CACNB2: variants seen among roughly 807,000 people sequenced by gnomAD.
CACNB2 encodes voltage-dependent L-type calcium channel subunit beta-2.
A neutral mutation model predicts 73.3 loss-of-function variants in CACNB2; 42 were observed. The observed-to-expected ratio is 0.57, with a 90% confidence interval of 0.45 to 0.74. The LOEUF is 0.74. CACNB2 is among the 30% of genes least tolerant of loss of function. CACNB2 has a pLI of 0.00. For missense variants in CACNB2, 940 were observed against 853.0 expected, an observed-to-expected ratio of 1.10 and a Z score of -1.27; for synonymous variants, 348 against 310.3, an observed-to-expected ratio of 1.12 and a Z score of -1.28.
chr10:18,465,320 ACT>A (rs1474138973), intron 3 of CACNB2, among the ~76,000 whole-genome samples: 1 of 152,138 alleles, frequency 6.6e-6, no homozygotes, highest in African/African-American at 2.4e-5. Flanking sequence ...ACAAAGCAAG[ACT>A]CTGTCTCAGT....
intron 2 of CACNB2, among the ~76,000 whole-genome samples, chr10:18,279,592 G>C (rs776941275): frequency 2.0e-4 from 31 of 152,194 alleles, no homozygotes; most frequent in Non-Finnish European, 3.5e-4. Flanking sequence ...TTTTGCCCTT[G>C]AAGAGTTGAT....
chr10:18,309,065 A>G (rs573709998), intron 2 of CACNB2, among the ~76,000 whole-genome samples: 21 of 152,188 alleles, frequency 1.4e-4, no homozygotes, highest in African/African-American at 2.2e-4. Flanking sequence ...GTCGTTACCA[A>G]TTTTTTCACT....
At chr10:18,271,557 C>A (rs538361768) in intron 2 of CACNB2, among the ~76,000 whole-genome samples, 2 of 152,182 alleles carry the variant, frequency 1.3e-5, no homozygotes, top group South Asian at 4.2e-4. Flanking sequence ...TGTATGGAAA[C>A]CTTCCCTAAC....
chr10:18,503,090 T>C (rs1483058706), intron 5 of CACNB2, among the ~76,000 whole-genome samples: 1 of 152,178 alleles, frequency 6.6e-6, no homozygotes, highest in Non-Finnish European at 1.5e-5. Flanking sequence ...ATAATGCATA[T>C]TTTGATATGC....
chr10:18,312,964 ATTGT>A (rs2040017278), intron 2 of CACNB2, among the ~76,000 whole-genome samples: 1 of 152,086 alleles, frequency 6.6e-6, no homozygotes, highest in African/African-American at 2.4e-5. Context: ...GCAATAAATG[ATTGT>A]TTTTCTGTGC....
At chr10:18,147,682 T>A (rs1342943725) in intron 1 of CACNB2, among the ~76,000 whole-genome samples, 2 of 152,220 alleles carry the variant, frequency 1.3e-5, no homozygotes, top group African/African-American at 4.8e-5. Flanking sequence ...GTAGCTGCAC[T>A]TGAAGTAGCA....
intron 2 of CACNB2, among the ~76,000 whole-genome samples, chr10:18,323,303 C>G (rs529153582): frequency 2.6e-5 from 4 of 152,146 alleles, no homozygotes; most frequent in African/African-American, 9.6e-5. Context: ...TTACACATCC[C>G]TAAGCAAAGT....
At chr10:18,203,246 A>G (rs920680970) in intron 2 of CACNB2, among the ~76,000 whole-genome samples, 4 of 152,216 alleles carry the variant, frequency 2.6e-5, no homozygotes, top group African/African-American at 9.6e-5. Flanking sequence ...TAGCCGAATG[A>G]TATCACAGAG....
intron 2 of CACNB2, among the ~76,000 whole-genome samples, chr10:18,186,634 G>A (rs890808414): frequency 6.6e-6 from 1 of 152,000 alleles, no homozygotes; most frequent in African/African-American, 2.4e-5. Flanking sequence ...AAGAGAGGGT[G>A]GAGGGAGGTA....
chr10:18,351,643 G>A (rs1426698576), intron 2 of CACNB2, among the ~76,000 whole-genome samples: 1 of 152,122 alleles, frequency 6.6e-6, no homozygotes, highest in Non-Finnish European at 1.5e-5. Flanking sequence ...TTCCAACCCA[G>A]TGTATTTGCA....
At chr10:18,262,630 C>A (rs1385537725) in intron 2 of CACNB2, among the ~76,000 whole-genome samples, 2 of 152,000 alleles carry the variant, frequency 1.3e-5, no homozygotes, top group Non-Finnish European at 2.9e-5. Context: ...ATAAGATTAG[C>A]CGCCTAAAGA....
At chr10:18,261,344 A>G in intron 2 of CACNB2, 1 of 1,551,620 alleles carries the variant, frequency 6.4e-7, no homozygotes, top group Non-Finnish European at 8.7e-7. Context: ...GTAGAATTGC[A>G]GCTGGGAGCT....
intron 2 of CACNB2, among the ~76,000 whole-genome samples, chr10:18,365,018 G>C (rs1354281842): frequency 6.6e-6 from 1 of 152,138 alleles, no homozygotes. Context: ...GTAGAAAGAG[G>C]TGTATAAATT....
intron 2 of CACNB2, among the ~76,000 whole-genome samples, chr10:18,363,988 C>G (rs536815846): frequency 6.8e-6 from 1 of 146,110 alleles, no homozygotes; most frequent in African/African-American, 2.5e-5. Context: ...TTGCTCGTTG[C>G]CTAGGCTGGA....
At chr10:18,261,157 G>A in intron 2 of CACNB2, 1 of 1,538,688 alleles carries the variant, frequency 6.5e-7, no homozygotes, top group South Asian at 1.2e-5. Context: ...ATTTGCTCAT[G>A]CCTCTTACCT....
chr10:18,334,337 A>G (rs1418816970), intron 2 of CACNB2, among the ~76,000 whole-genome samples: 1 of 152,140 alleles, frequency 6.6e-6, no homozygotes, highest in African/African-American at 2.4e-5. Flanking sequence ...GAATCACAGA[A>G]TAACTGGGCA....
intron 2 of CACNB2, among the ~76,000 whole-genome samples, chr10:18,304,747 G>A (rs182572127): frequency 6.6e-6 from 1 of 152,316 alleles, no homozygotes; most frequent in Admixed American, 6.5e-5. Flanking sequence ...ATGTTAGCTC[G>A]ATGCTATTAG....
chr10:18,405,769 G>T (rs1589257786), intron 3 of CACNB2, among the ~76,000 whole-genome samples: 1 of 151,984 alleles, frequency 6.6e-6, no homozygotes, highest in Admixed American at 6.6e-5. Context: ...ACCAGCTTGG[G>T]CAACATGGTG....
chr10:18,438,317 C>A (rs1199419693), intron 3 of CACNB2, among the ~76,000 whole-genome samples: 1 of 151,906 alleles, frequency 6.6e-6, no homozygotes, highest in Non-Finnish European at 1.5e-5. Flanking sequence ...GCGTGAGCCA[C>A]CGCGCCCTGC....
Sources: allele counts gnomAD v4.1 joint callset (sites outside exome capture counted in the v4.1 genomes callset), GRCh38; gene constraint gnomAD v4.1.1; transcripts MANE v1.5; gene names NCBI Gene and HGNC (gene_info 2026-07-23, HGNC 2026-07-21).